The following PREX1 variants were observed in gnomAD, a reference collection of about 807,000 sequenced individuals.
PREX1 encodes phosphatidylinositol 3,4,5-trisphosphate-dependent Rac exchanger 1 protein.
In PREX1, 41 loss-of-function variants were observed where a neutral mutation model predicts 198.3. The ratio of observed to expected loss-of-function variants is 0.21; its 90% CI spans 0.16 to 0.27. PREX1 has a LOEUF of 0.27. PREX1 is among the 10% of genes least tolerant of loss of function. The pLI is 1.00. For synonymous variants in PREX1, 843 were observed against 887.2 expected, an observed-to-expected ratio of 0.95 and a Z score of 0.89; for missense variants, 1,620 against 2,200.7, an observed-to-expected ratio of 0.74 and a Z score of 5.28.
At chr20:48,842,035 G>A in the PREX1 span, among the ~76,000 whole-genome samples, 656 of 152,072 alleles carry the variant, frequency 4.3e-3, 1 homozygote, top group Non-Finnish European at 6.9e-3. Context: ...GCATCATTGC[G>A]TGTATATCTC....
rs754024023 is a variant in PREX1 at position 48,688,818 on chromosome 20, C to T, written c.1187-14G>A. On this transcript the variant is annotated splice_polypyrimidine_tract_variant and intron_variant, in intron 9 of 39. Coordinates refer to ENST00000371941, the MANE Select transcript of PREX1 (RefSeq NM_020820.4). Reference sequence around the variant, plus strand: ...CCAGCTTCAGGCCTACACAGGGGCACGGTCAGCACTGGAGAGAGCACCAGG... The same window carrying T: ...CCAGCTTCAGGCCTACACAGGGGCATGGTCAGCACTGGAGAGAGCACCAGG... 2.0e-5 allele frequency: 32 copies of T among 1,613,646 alleles called. No individual in the cohort carries two copies. The highest frequency in any genetic ancestry group is 3.3e-5 in the Admixed American group (2 of 59,998).
intron 1 of PREX1, among the ~76,000 whole-genome samples, chr20:48,764,953 T>TC (rs2090201935): frequency 6.6e-6 from 1 of 151,916 alleles, no homozygotes; most frequent in South Asian, 2.1e-4. Flanking sequence ...AAACGGATTC[T>TC]CCCCAGACCC....
intron 14 of PREX1, 104 bp downstream of exon 14, chr20:48,676,089 G>A: frequency 8.7e-7 from 1 of 1,143,498 alleles, no homozygotes; most frequent in Non-Finnish European, 1.3e-6. Context: ...TGTGCAGTTT[G>A]CCACAATTAA....
chr20:48,769,912 G>A (rs983223800), intron 1 of PREX1, among the ~76,000 whole-genome samples: 3 of 152,106 alleles, frequency 2.0e-5, no homozygotes, highest in Admixed American at 6.5e-5. Flanking sequence ...TGCACACACG[G>A]TGAGGGAGAG....
chr20:48,715,044 T>C (rs1322918248), intron 5 of PREX1, among the ~76,000 whole-genome samples: 1 of 152,044 alleles, frequency 6.6e-6, no homozygotes, highest in Non-Finnish European at 1.5e-5. Flanking sequence ...TACTAATAAA[T>C]CAGAATAGAG....
intron 1 of PREX1, among the ~76,000 whole-genome samples, chr20:48,807,572 C>T (rs1160784029): frequency 6.6e-6 from 1 of 151,856 alleles, no homozygotes; most frequent in Non-Finnish European, 1.5e-5. Flanking sequence ...TCTTTACCTA[C>T]TTTTTTTTTC....
chr20:48,746,910 T>A (rs910483077), intron 2 of PREX1, among the ~76,000 whole-genome samples: 1 of 150,102 alleles, frequency 6.7e-6, no homozygotes, highest in Non-Finnish European at 1.5e-5. Flanking sequence ...AATAAATGAA[T>A]GCAGGCATAG....
At chr20:48,647,304 C>A (rs557249750) in intron 25 of PREX1, among the ~76,000 whole-genome samples, 1 of 152,126 alleles carries the variant, frequency 6.6e-6, no homozygotes, top group South Asian at 2.1e-4. Context: ...GGGTGGGTCA[C>A]GAGATCAAGA....
chr20:48,759,549 C>CAAAAAAAA (rs386393896), intron 1 of PREX1, among the ~76,000 whole-genome samples: 6 of 73,874 alleles, frequency 8.1e-5, no homozygotes, highest in Admixed American at 1.5e-4. Flanking sequence ...GATTCCATCT[C>CAAAAAAAA]AAAAAAAAAA....
the PREX1 span, among the ~76,000 whole-genome samples, chr20:48,865,042 G>GC: frequency 6.6e-6 from 1 of 152,068 alleles, no homozygotes; most frequent in Admixed American, 6.6e-5. Context: ...GGGTTGGGGG[G>GC]GGTCTTACCC....
chr20:48,658,916 AG>A (rs1042696190), intron 16 of PREX1, among the ~76,000 whole-genome samples: 1 of 152,052 alleles, frequency 6.6e-6, no homozygotes, highest in Non-Finnish European at 1.5e-5. Flanking sequence ...GGAGGCCCCA[AG>A]GCACTGGAGG....
chr20:48,637,403 G>C (rs1331571315), intron 31 of PREX1, among the ~76,000 whole-genome samples: 1 of 152,192 alleles, frequency 6.6e-6, no homozygotes, highest in Non-Finnish European at 1.5e-5. Context: ...CTCTCTGCTG[G>C]GTGGAAGCCC....
chr20:48,641,847 G>A (rs1424543551), intron 29 of PREX1, among the ~76,000 whole-genome samples: 2 of 15,616 alleles, frequency 1.3e-4, no homozygotes, highest in African/African-American at 4.6e-4. Context: ...AGAGAGGAAG[G>A]AAGGAAGGAA....
At chr20:48,809,033 C>A (rs984898835) in intron 1 of PREX1, among the ~76,000 whole-genome samples, 1 of 152,198 alleles carries the variant, frequency 6.6e-6, no homozygotes. Flanking sequence ...TCCTCATCGA[C>A]ACAATAAACA....
At chr20:48,648,108 C>T (rs1601041995) in intron 25 of PREX1, among the ~76,000 whole-genome samples, 8 of 151,972 alleles carry the variant, frequency 5.3e-5, no homozygotes, top group Admixed American at 5.2e-4. Context: ...GGTTTCACTA[C>T]GTTGCCCAGG....
chr20:48,795,919 C>G (rs765390444), intron 1 of PREX1, among the ~76,000 whole-genome samples: 1 of 152,030 alleles, frequency 6.6e-6, no homozygotes, highest in Non-Finnish European at 1.5e-5. Context: ...TGCACGTGCT[C>G]GAAAGCATGC....
At chr20:48,679,792 C>G (rs774352412) in intron 11 of PREX1, 38 bp from the exon 12 acceptor site, 2 of 1,504,696 alleles carry the variant, frequency 1.3e-6, no homozygotes, top group African/African-American at 2.8e-5. Context: ...TGGGCACGCC[C>G]CCTCAGCCCC....
chr20:48,715,008 T>A (rs1468233778), intron 5 of PREX1, among the ~76,000 whole-genome samples: 2 of 152,236 alleles, frequency 1.3e-5, no homozygotes, highest in African/African-American at 4.8e-5. Flanking sequence ...AGAAGGCTCC[T>A]GCCCAATTCA....
At chr20:48,695,544 T>C (rs1380799540) in intron 7 of PREX1, among the ~76,000 whole-genome samples, 2 of 152,252 alleles carry the variant, frequency 1.3e-5, no homozygotes, top group African/African-American at 4.8e-5. Flanking sequence ...CCCAACAGTG[T>C]AGGAACATTC....
Sources: allele counts gnomAD v4.1 joint callset (sites outside exome capture counted in the v4.1 genomes callset), GRCh38; gene constraint gnomAD v4.1.1; transcripts MANE v1.5; gene names NCBI Gene and HGNC (gene_info 2026-07-23, HGNC 2026-07-21).